DIDO1: variants seen among roughly 807,000 people sequenced by gnomAD.
The protein encoded by DIDO1 is death inducer-obliterator 1, also known as death-inducer obliterator 1.
DIDO1 carries 16 observed loss-of-function variants against 99.4 expected under a neutral mutation model. The observed-to-expected ratio is 0.16, with a 90% CI of 0.11 to 0.24. The LOEUF is 0.24. Ranked by LOEUF, DIDO1 falls within the 10% of genes least tolerant of loss-of-function variation. The pLI is 1.00. For synonymous variants in DIDO1, 1,366 were observed against 1,239.1 expected (o/e 1.10, Z -2.15); for missense variants, 2,996 against 3,014.0 (o/e 0.99, Z 0.14).
Position 62,880,493 on chromosome 20 carries a change from C to T in DIDO1, c.5463G>A (p.Gly1821=), listed in dbSNP as rs1270461422. The change falls in exon 16 of 16, where the codon GGG becomes GGA. Residue 1821 remains glycine (G), a synonymous_variant. Transcript: ENST00000395343. The part of the protein sequence containing the change: ...FSGQHGPPPY[G]DSRGPSPSYL... ...AAGAGGGTGAGGGGCCTCTGCTGTCCCCATAAGGAGGTGGCCCATGTTGCC... is the reference window on the plus strand; with the variant it reads ...AAGAGGGTGAGGGGCCTCTGCTGTCTCCATAAGGAGGTGGCCCATGTTGCC... 1 of 1,612,984 alleles carries T rather than the reference C, an allele frequency of 6.2e-7. No homozygotes were observed. The highest frequency in any genetic ancestry group is 8.5e-7 in the Non-Finnish European group (1 of 1,179,998).
chr20:62,888,264 C>A (rs1186404680), intron 15 of DIDO1: 1 of 985,418 alleles, frequency 1.0e-6, no homozygotes, highest in Non-Finnish European at 1.2e-6. Context: ...AACTGAGGCA[C>A]ATGGACGAGT....
chr20:62,911,857 G>A lies in DIDO1; in HGVS notation c.-2-243C>T, dbSNP rs539126548. 1.1e-3 allele frequency among the ~76,000 whole-genome samples: 172 copies of A among 152,360 alleles called. No homozygotes were observed. The highest frequency in any genetic ancestry group is 3.8e-3 in the African/African-American group (156 of 41,594). ...CAAAAATACAGCTAACAAATCAAATGTACAATTTCATCATTTAACTGCTCA... is the reference window on the plus strand; with the variant it reads ...CAAAAATACAGCTAACAAATCAAATATACAATTTCATCATTTAACTGCTCA... On this transcript the variant is annotated intron_variant, in intron 2 of 15. Coordinates refer to ENST00000395343, the MANE Select transcript of DIDO1 (RefSeq NM_001193369.2). This position sits in a 1 kb window ranked among gnomAD's most constrained non-coding sequence, Gnocchi z 7.0.
Position 62,881,156 on chromosome 20 carries a change from G to A in DIDO1, c.4800C>T (p.Leu1600=), listed in dbSNP as rs182930145. Residue 1600 remains leucine, a synonymous_variant, in exon 16 of 16, where the codon CTC becomes CTT. Transcript: ENST00000395343. The surrounding 1 kb of genome is among the most constrained non-coding windows in gnomAD (Gnocchi z 8.3). ...LPERDASRGG[L]VGQAPMPVPE... The stretch of plus-strand genomic sequence containing the variant: ...GGACTGGCATGGGCGCCTGGCCCAC[G>A]AGGCCACCCCTGGAAGCATCTCTCT... The A allele has an allele frequency of 1.9e-6, 3 of 1,608,410 alleles. No individual in the cohort carries two copies. The highest frequency in any genetic ancestry group is 4.5e-5 in the East Asian group (2 of 44,822).
intron 4 of DIDO1, among the ~76,000 whole-genome samples, chr20:62,909,005 A>G (rs1256953961): frequency 6.6e-6 from 1 of 152,244 alleles, no homozygotes; most frequent in Non-Finnish European, 1.5e-5. Flanking sequence ...TCCTGCCTCC[A>G]AGGGCACGCT....
In DIDO1 at chr20:62,881,118, T is replaced by C. The variant is rs2064196115; in HGVS notation, c.4838A>G (p.Glu1613Gly). The change falls in exon 16 of 16, where the codon GAG becomes GGG. Residue 1613 changes from glutamate to glycine, a missense_variant. Physicochemically the swap from Glu to Gly is moderately conservative, Grantham distance 98 (BLOSUM62 -2). Transcript: ENST00000395343. The surrounding 1 kb of genome is among the most constrained non-coding windows in gnomAD (Gnocchi z 8.3). ...QAPMPVPEEK[E>G]PASSPWASGE... ...CGAAGCCCAGGGGGAAGAGGCTGGCTCTTTTTCCTCCGGGACTGGCATGGG... is the reference window on the plus strand; with the variant it reads ...CGAAGCCCAGGGGGAAGAGGCTGGCCCTTTTTCCTCCGGGACTGGCATGGG... 1 of 1,609,258 alleles carries C rather than the reference T, an allele frequency of 6.2e-7. No homozygotes were observed. The highest frequency in any genetic ancestry group is 1.7e-5 in the Admixed American group (1 of 59,862).
At chr20:62,892,663 G>A in intron 13 of DIDO1, 146 bp downstream of exon 13, 2 of 1,155,960 alleles carry the variant, frequency 1.7e-6, no homozygotes, top group Non-Finnish European at 1.2e-6. Flanking sequence ...AGCCGTTTCT[G>A]CATCCAGACA....
At chr20:62,922,692 G>C (rs2065178555) in intron 1 of DIDO1, among the ~76,000 whole-genome samples, 1 of 152,250 alleles carries the variant, frequency 6.6e-6, no homozygotes, top group South Asian at 2.1e-4. Context: ...GTGTGCAACA[G>C]ACGGTAGGTG....
Position 62,909,751 on chromosome 20 carries a change from A to G in DIDO1, c.1109T>C (p.Ile370Thr), listed in dbSNP as rs746985617. The G allele has an allele frequency of 6.2e-7, 1 of 1,614,212 alleles. No individual in the cohort carries two copies. Among genetic ancestry groups the G allele is most frequent in the Non-Finnish European group, 8.5e-7 (1 of 1,180,028 alleles). Residue 370 changes from isoleucine (I) to threonine (T), a missense_variant, in exon 4 of 16, where the codon ATT (isoleucine) becomes ACT (threonine). Coordinates refer to ENST00000395343, the MANE Select transcript of DIDO1 (RefSeq NM_001193369.2). The stretch of plus-strand genomic sequence containing the variant: ...GCCACTTGGATTTGCAGCTTTCTCA[A>G]TTCTACCCTTTATCCCTTGGTCTTC... The part of the protein sequence containing the change: ...SSEDQGIKGR[I>T]EKAANPSGKK...
Position 62,906,388 on chromosome 20 carries a change from A to C in DIDO1, c.1375-288T>G, listed in dbSNP as rs111242990. On this transcript the variant is annotated intron_variant, in intron 5 of 15. Transcript: ENST00000395343. ...ACCCTGATGAGGTGCCAAGTTGCCA[A>C]GATGACAGGAGCAGCAGCCACTGGA... Among the ~76,000 whole-genome samples the C allele has an allele frequency of 6.8e-4, 103 of 152,336 alleles. 1 individual carries two copies. Among genetic ancestry groups the C allele is most frequent in the African/African-American group, 2.0e-3 (85 of 41,588 alleles).
At chr20:62,936,788 C>T (rs1287053721) in intron 1 of DIDO1, among the ~76,000 whole-genome samples, 1 of 152,178 alleles carries the variant, frequency 6.6e-6, no homozygotes, top group African/African-American at 2.4e-5. Context: ...CGCTTGAACC[C>T]GGGAGGCGGA....
chr20:62,901,608 G>C (rs1436784548), intron 6 of DIDO1, among the ~76,000 whole-genome samples: 1 of 152,134 alleles, frequency 6.6e-6, no homozygotes, highest in Non-Finnish European at 1.5e-5. Context: ...TCAGTATAAA[G>C]CCCCTAGCTG....
In DIDO1 at chr20:62,891,012, C is replaced by T. The variant is rs770724347; in HGVS notation, c.3489G>A (p.Pro1163=). 3.7e-6 allele frequency: 6 copies of T among 1,613,986 alleles called. No individual in the cohort carries two copies. Among genetic ancestry groups the T allele is most frequent in the East Asian group, 4.5e-5 (2 of 44,892 alleles). The part of the protein sequence containing the change: ...NRHVKDLYLI[P]LSAQDPVPSK... The stretch of plus-strand genomic sequence containing the variant: ...ATGGAACAGGGTCCTGGGCGCTCAG[C>T]GGGATCAGGTAGAGGTCCTTGACGT... Residue 1163 remains proline (P), a synonymous_variant, in exon 15 of 16, where the codon CCG becomes CCA. Transcript: ENST00000395343.
rs776827239 is a variant in DIDO1 at position 62,894,061 on chromosome 20, C to T, written c.2706G>A (p.Val902=). ...CAACTTCAGGCACAGCCTCCGGCAT[C>T]ACCTCATCAGCTGAATCCGGAGCTG... ...PDPAPDSADE[V]MPEAVPEVAS... The change falls in exon 12 of 16, where the codon GTG becomes GTA. Residue 902 remains valine, a synonymous_variant. Transcript: ENST00000395343. The surrounding 1 kb of genome is among the most constrained non-coding windows in gnomAD (Gnocchi z 4.4). The T allele has an allele frequency of 6.8e-6, 11 of 1,614,138 alleles. No homozygotes were observed. The Admixed American group carries it at 1.8e-4, about 27-fold the overall frequency.
upstream of DIDO1, among the ~76,000 whole-genome samples, chr20:62,931,300 A>G (rs2065329960): frequency 6.6e-6 from 1 of 151,832 alleles, no homozygotes. Context: ...CATGCTCATC[A>G]CTCCTTCCTC....
In DIDO1 at chr20:62,894,074, G is replaced by A; in HGVS notation, c.2693C>T (p.Ser898Leu). 3 of 1,614,256 alleles carry A rather than the reference G, an allele frequency of 1.9e-6. No individual in the cohort carries two copies. The highest frequency in any genetic ancestry group is 2.2e-5 in the East Asian group (1 of 44,896). Residue 898 changes from serine to leucine, a missense_variant, in exon 12 of 16, where the codon TCA (serine) becomes TTA (leucine). Physicochemically the swap from Ser to Leu is moderately radical, Grantham distance 145. Around this residue, in one of 5 missense-constraint regions of DIDO1, gnomAD observed 898 missense variants for 972.7 expected, o/e 0.92. Transcript: ENST00000395343. The surrounding 1 kb of genome is among the most constrained non-coding windows in gnomAD (Gnocchi z 4.4). The stretch of plus-strand genomic sequence containing the variant: ...AGCCTCCGGCATCACCTCATCAGCT[G>A]AATCCGGAGCTGGGTCAGGTGCAGA... ...DSSAPDPAPD[S>L]ADEVMPEAVP...
At position 62,893,835 on chromosome 20, in the gene DIDO1, C is replaced by T. The variant is rs745388167; in HGVS notation, c.2932G>A (p.Ala978Thr). ...PRTAPSSSCT[A>T]VASAASRPDS... is the part of the protein sequence containing the mutation. Reference sequence around the variant, plus strand: ...GGGCGGGATGCTGCGGAGGCCACGGCTGTGCATGAACTGCTTGGAGCGGTC... The same window carrying T: ...GGGCGGGATGCTGCGGAGGCCACGGTTGTGCATGAACTGCTTGGAGCGGTC... The change falls in exon 12 of 16, where the codon GCC becomes ACC. Residue 978 changes from alanine to threonine, a missense_variant. By Grantham distance (58) the Ala-to-Thr change is moderately conservative. Transcript: ENST00000395343. 21 of 1,613,986 alleles carry T rather than the reference C, an allele frequency of 1.3e-5. No individual in the cohort carries two copies. In the East Asian group the frequency reaches 4.5e-4, roughly 34 times the overall value.
At chr20:62,927,570 A>G (rs1446665935), upstream of DIDO1, among the ~76,000 whole-genome samples, 2 of 152,216 alleles carry the variant, frequency 1.3e-5, no homozygotes, top group African/African-American at 4.8e-5. Context: ...TTCTGTGAAC[A>G]GTGATACGCT....
chr20:62,899,092 C>T (rs949381588), intron 6 of DIDO1, among the ~76,000 whole-genome samples: 3 of 152,152 alleles, frequency 2.0e-5, no homozygotes, highest in Admixed American at 6.5e-5. Context: ...GGAGGCACAC[C>T]GGCAGGAGGC....
At chr20:62,885,368 G>C (rs908401510) in intron 15 of DIDO1, among the ~76,000 whole-genome samples, 1 of 152,246 alleles carries the variant, frequency 6.6e-6, no homozygotes, top group Non-Finnish European at 1.5e-5. Flanking sequence ...CTTCTAAAGG[G>C]CTGTTAGGGT....
Sources: allele counts gnomAD v4.1 joint callset (sites outside exome capture counted in the v4.1 genomes callset), GRCh38; gene constraint gnomAD v4.1.1; regional missense constraint gnomAD v4.1.1; non-coding constraint Gnocchi (gnomAD v3.1); transcripts MANE v1.5; gene names NCBI Gene and HGNC (gene_info 2026-07-23, HGNC 2026-07-21).